Variants in WDPCP observed in about 807,000 individuals in gnomAD.
WDPCP encodes the protein WD repeat-containing and planar cell polarity effector protein fritz homolog.
A neutral mutation model predicts 93.1 loss-of-function variants in WDPCP; 71 were observed. The observed-to-expected ratio is 0.76, with a 90% CI of 0.63 to 0.93. The LOEUF is 0.93. Ranked by LOEUF, WDPCP falls within the 40% of genes least tolerant of loss-of-function variation. The pLI is 0.00. For missense variants in WDPCP, 844 were observed against 887.4 expected, an observed-to-expected ratio of 0.95 and a Z score of 0.62; for synonymous variants, 315 against 315.0, an observed-to-expected ratio of 1.00 and a Z score of 0.00.
intron 1 of WDPCP, among the ~76,000 whole-genome samples, chr2:63,583,543 T>C (rs1348139073): frequency 6.6e-6 from 1 of 151,996 alleles, no homozygotes; most frequent in Non-Finnish European, 1.5e-5. Context: ...TAGCTGGGTG[T>C]GGTGGCACGT....
chr2:63,769,825 G>T (rs1670199041), intron 2 of WDPCP, among the ~76,000 whole-genome samples: 1 of 151,878 alleles, frequency 6.6e-6, no homozygotes, highest in African/African-American at 2.4e-5. Flanking sequence ...TACATTGCTG[G>T]TGGGTAACTA....
intron 3 of WDPCP, chr2:63,605,448 A>T: frequency 8.1e-7 from 1 of 1,241,624 alleles, no homozygotes; most frequent in East Asian, 2.3e-5. Flanking sequence ...TTGCCTGATG[A>T]TATAATATAA....
At chr2:63,547,778 T>C (rs748115449) in intron 1 of WDPCP, among the ~76,000 whole-genome samples, 64 of 148,706 alleles carry the variant, frequency 4.3e-4, no homozygotes, top group Non-Finnish European at 8.7e-4. Context: ...CTCATGAAGA[T>C]AGAGAATAGA....
At chr2:63,530,166 AT>A (rs368831640) in intron 1 of WDPCP, among the ~76,000 whole-genome samples, 1 of 151,818 alleles carries the variant, frequency 6.6e-6, no homozygotes, top group Non-Finnish European at 1.5e-5. Context: ...GGATTCATTG[AT>A]TTTTTTGTAG....
upstream of WDPCP, among the ~76,000 whole-genome samples, chr2:63,832,381 A>G (rs1009330250): frequency 6.6e-6 from 1 of 152,118 alleles, no homozygotes; most frequent in African/African-American, 2.4e-5. Flanking sequence ...GCTGTATTCT[A>G]TTGGTCAAAG....
chr2:63,501,631 T>C (rs1037559979), intron 1 of WDPCP, among the ~76,000 whole-genome samples: 22 of 152,216 alleles, frequency 1.4e-4, no homozygotes, highest in Non-Finnish European at 2.9e-5. Context: ...TCTTTCTTTT[T>C]TGGAGATGGA....
chr2:63,540,832 C>A (rs977809593), intron 1 of WDPCP, among the ~76,000 whole-genome samples: 1 of 151,082 alleles, frequency 6.6e-6, no homozygotes, highest in Non-Finnish European at 1.5e-5. Context: ...CAGTTCACTG[C>A]AGCCACAACT....
intron 12 of WDPCP, among the ~76,000 whole-genome samples, chr2:63,361,335 T>C (rs2104661536): frequency 6.6e-6 from 1 of 152,296 alleles, no homozygotes. Context: ...AATACATGTA[T>C]AAATTGGAAT....
chr2:63,484,414 G>C (rs1219465340), intron 6 of WDPCP, among the ~76,000 whole-genome samples, 190 bp downstream of exon 6: 2 of 151,952 alleles, frequency 1.3e-5, no homozygotes, highest in Admixed American at 6.6e-5. Flanking sequence ...GGTTAATACT[G>C]ATTAATGAGC....
chr2:63,637,081 C>A (rs145684255), intron 3 of WDPCP, among the ~76,000 whole-genome samples: 1 of 152,052 alleles, frequency 6.6e-6, no homozygotes, highest in Non-Finnish European at 1.5e-5. Flanking sequence ...CGGCTGGGCG[C>A]GGTAGCTCAT....
At chr2:63,483,185 C>G (rs924553694) in intron 6 of WDPCP, among the ~76,000 whole-genome samples, 36 of 151,912 alleles carry the variant, frequency 2.4e-4, no homozygotes, top group Admixed American at 6.6e-5. Flanking sequence ...AGACATGCCT[C>G]TTACTATAGG....
chr2:63,122,177 G>A (rs1028657562), intron 17 of WDPCP, 121 bp from the exon 18 acceptor site: 1 of 805,360 alleles, frequency 1.2e-6, no homozygotes, highest in African/African-American at 1.7e-5. Flanking sequence ...AGTTTAAAAT[G>A]TACTGCACAT....
chr2:63,307,728 G>A (rs1327119760), intron 13 of WDPCP, among the ~76,000 whole-genome samples: 1 of 152,162 alleles, frequency 6.6e-6, no homozygotes, highest in Non-Finnish European at 1.5e-5. Context: ...ATTAACTCAA[G>A]ATGGATTAAC....
chr2:63,290,727 G>A (rs1684355740), intron 13 of WDPCP, among the ~76,000 whole-genome samples: 1 of 152,124 alleles, frequency 6.6e-6, no homozygotes, highest in African/African-American at 2.4e-5. Flanking sequence ...TGTTGATGAT[G>A]CTGTTCCATT....
rs560055066 is a variant in WDPCP at position 63,730,961 on chromosome 2, C to A, written n.309-80123G>T. Among the ~76,000 whole-genome samples, 4 of 151,446 alleles carry A rather than the reference C, an allele frequency of 2.6e-5. No individual in the cohort carries two copies. In the East Asian group the frequency reaches 5.8e-4, roughly 22 times the overall value. On this transcript the variant is annotated intron_variant and non_coding_transcript_variant, in intron 2 of 4. Coordinates refer to the WDPCP transcript ENST00000467687. Reference sequence around the variant, plus strand: ...CCAAGTACATGAAAAAAAAAAAATACAAGCACTATCTTAAAAGACAAGAAT... The same window carrying A: ...CCAAGTACATGAAAAAAAAAAAATAAAAGCACTATCTTAAAAGACAAGAAT...
At chr2:63,394,805 C>T (rs1693579003) in intron 10 of WDPCP, among the ~76,000 whole-genome samples, 1 of 152,090 alleles carries the variant, frequency 6.6e-6, no homozygotes, top group Non-Finnish European at 1.5e-5. Context: ...CCAAACACCA[C>T]ATTTCTCACT....
At chr2:63,252,063 C>A (rs893565435) in intron 14 of WDPCP, among the ~76,000 whole-genome samples, 19 of 152,110 alleles carry the variant, frequency 1.2e-4, no homozygotes, top group Non-Finnish European at 2.8e-4. Flanking sequence ...TTGAATCCAG[C>A]AGCAAATCAG....
chr2:63,471,611 T>C (rs1466084987), intron 6 of WDPCP, among the ~76,000 whole-genome samples: 1 of 152,194 alleles, frequency 6.6e-6, no homozygotes, highest in African/African-American at 2.4e-5. Flanking sequence ...AGATTTACCA[T>C]ATCTCTTATT....
chr2:63,718,326 T>C (rs1669367011), intron 2 of WDPCP, among the ~76,000 whole-genome samples: 1 of 152,188 alleles, frequency 6.6e-6, no homozygotes, highest in East Asian at 1.9e-4. Flanking sequence ...ATTTGAGAAA[T>C]CTCCATACTA....
Sources: gnomAD v4.1 joint callset for allele counts (sites outside exome capture counted in the v4.1 genomes callset) on GRCh38, gnomAD v4.1.1 for gene constraint, MANE v1.5 for transcripts, NCBI Gene and HGNC (gene_info 2026-07-23, HGNC 2026-07-21) for gene names.